AGK: variants seen among roughly 807,000 people sequenced by gnomAD.
The protein encoded by AGK is acylglycerol kinase.
A neutral mutation model predicts 66.4 loss-of-function variants in AGK; 52 were observed. The ratio of observed to expected loss-of-function variants is 0.78; its 90% CI spans 0.63 to 0.99. The LOEUF is 0.99. Ranked by LOEUF, AGK falls within the 50% of genes least tolerant of loss-of-function variation. The probability of loss-of-function intolerance (pLI) is 0.00; values close to 1 mark genes in which losing one functional copy is unlikely to be tolerated. For missense variants in AGK, 451 were observed against 506.6 expected (o/e 0.89, Z 1.05); for synonymous variants, 182 against 181.1 (o/e 1.00, Z -0.04).
At chr7:141,597,643 G>A (rs1261293452) in intron 4 of AGK, among the ~76,000 whole-genome samples, 2 of 151,884 alleles carry the variant, frequency 1.3e-5, no homozygotes, top group Non-Finnish European at 2.9e-5. Context: ...GCCTGAGGTG[G>A]GCAGATCACT....
intron 2 of AGK, among the ~76,000 whole-genome samples, chr7:141,591,328 A>G (rs1286560728): frequency 6.6e-6 from 1 of 151,954 alleles, no homozygotes; most frequent in Non-Finnish European, 1.5e-5. Context: ...CCTGACCTCA[A>G]GTGATCTGCC....
chr7:141,578,131 G>A (rs1373900368), intron 2 of AGK, among the ~76,000 whole-genome samples: 1 of 152,124 alleles, frequency 6.6e-6, no homozygotes. Flanking sequence ...GAGCAATAAA[G>A]CTTTTTAATC....
chr7:141,629,448 T>G (rs1797008710), intron 9 of AGK, among the ~76,000 whole-genome samples: 1 of 152,150 alleles, frequency 6.6e-6, no homozygotes, highest in Non-Finnish European at 1.5e-5. Flanking sequence ...CCTACCCAGA[T>G]GAGTGGGTTA....
rs185474470 is a variant in AGK, at chr7:141,645,492, G to A, written c.975+3584G>A. ...GGCCAATGCAAATAGTGCAAGGTTTGTTTTCTCTCTTCAAATACTTATCCT... is the reference window on the plus strand; with the variant it reads ...GGCCAATGCAAATAGTGCAAGGTTTATTTTCTCTCTTCAAATACTTATCCT... On this transcript the variant is annotated intron_variant, in intron 13 of 15. Coordinates refer to ENST00000649286, the MANE Select transcript of AGK (RefSeq NM_018238.4). Among the ~76,000 whole-genome samples the A allele has an allele frequency of 2.6e-5, 4 of 152,190 alleles. No individual in the cohort carries two copies. The East Asian group carries it at 7.7e-4, about 29-fold the overall frequency.
At chr7:141,623,598 C>G (rs1464598243) in intron 9 of AGK, among the ~76,000 whole-genome samples, 1 of 152,124 alleles carries the variant, frequency 6.6e-6, no homozygotes, top group Non-Finnish European at 1.5e-5. Flanking sequence ...TTGAACCTAA[C>G]AGAGGTTGGT....
intron 5 of AGK, among the ~76,000 whole-genome samples, chr7:141,601,758 G>A (rs751054236): frequency 6.6e-6 from 1 of 152,160 alleles, no homozygotes; most frequent in Admixed American, 6.6e-5. Context: ...ACAAGGAATT[G>A]TACTATTTCG....
intron 2 of AGK, among the ~76,000 whole-genome samples, chr7:141,564,060 A>C (rs752605994): frequency 1.3e-5 from 2 of 152,100 alleles, no homozygotes; most frequent in African/African-American, 2.4e-5. Context: ...TCCTGGGCTC[A>C]AGTGATCTTC....
chr7:141,587,483 C>A (rs1054001399), intron 2 of AGK, among the ~76,000 whole-genome samples: 1 of 152,142 alleles, frequency 6.6e-6, no homozygotes, highest in Non-Finnish European at 1.5e-5. Context: ...TGAAAATGTC[C>A]TTGGTGACCT....
chr7:141,625,808 G>A (rs994059863), intron 9 of AGK, among the ~76,000 whole-genome samples: 1 of 151,880 alleles, frequency 6.6e-6, no homozygotes, highest in African/African-American at 2.4e-5. Context: ...TGGTCATCTT[G>A]CAATCTTAGC....
At chr7:141,651,197 A>G (rs2117032843) in intron 14 of AGK, among the ~76,000 whole-genome samples, 1 of 152,350 alleles carries the variant, frequency 6.6e-6, no homozygotes, top group South Asian at 2.1e-4. Flanking sequence ...AAAGAATTTC[A>G]TTCTAATTTT....
At chr7:141,560,292 A>G (rs1795312179) in intron 2 of AGK, among the ~76,000 whole-genome samples, 1 of 149,256 alleles carries the variant, frequency 6.7e-6, no homozygotes, top group Non-Finnish European at 1.5e-5. Flanking sequence ...TTGCCTATAT[A>G]TCCCCAACCT....
chr7:141,594,409 G>T (rs936863672), intron 3 of AGK, among the ~76,000 whole-genome samples: 1 of 152,064 alleles, frequency 6.6e-6, no homozygotes, highest in African/African-American at 2.4e-5. Flanking sequence ...TGGCCAGGAT[G>T]GTCTCCATCT....
intron 9 of AGK, among the ~76,000 whole-genome samples, chr7:141,631,527 C>T (rs114047343): frequency 1.3e-3 from 194 of 152,280 alleles, no homozygotes; most frequent in Middle Eastern, 6.8e-3. Flanking sequence ...ATCTTTGACT[C>T]CCCCATTCAG....
At chr7:141,583,477 G>C (rs867753327) in intron 2 of AGK, among the ~76,000 whole-genome samples, 4 of 128,268 alleles carry the variant, frequency 3.1e-5, no homozygotes, top group Admixed American at 7.6e-5. Flanking sequence ...GTAGAGACAC[G>C]AAGAGAAGGG....
chr7:141,565,111 A>G (rs1795441475), intron 2 of AGK, among the ~76,000 whole-genome samples: 1 of 152,004 alleles, frequency 6.6e-6, no homozygotes, highest in Admixed American at 6.5e-5. Context: ...TTCTCACATT[A>G]TATTCTCTTC....
chr7:141,592,552 A>G (rs915608513), intron 2 of AGK, among the ~76,000 whole-genome samples: 2 of 152,100 alleles, frequency 1.3e-5, no homozygotes, highest in Admixed American at 6.5e-5. Flanking sequence ...AAAGTAACAT[A>G]TCCTCAAGTT....
rs375210929 is a variant in AGK at position 141,615,525 on chromosome 7, T to A, written c.478T>A (p.Leu160Met). Residue 160 changes from leucine (L) to methionine (M), a missense_variant, in exon 8 of 16, where the codon TTG becomes ATG. Transcript: ENST00000649286. ...GFIPLGETSSLSHTLFAESGN... is the reference protein window; with the variant it reads ...GFIPLGETSSMSHTLFAESGN... ...TATCCCACTGGGAGAGACCAGTAGT[T>A]TGAGTCATACCCTCTTTGCCGAAAG... The A allele has an allele frequency of 4.3e-6, 7 of 1,613,894 alleles. No individual in the cohort carries two copies. In the African/African-American group the frequency reaches 9.3e-5, roughly 22 times the overall value.
intron 2 of AGK, among the ~76,000 whole-genome samples, chr7:141,576,274 A>G (rs1384369368): frequency 6.6e-6 from 1 of 152,122 alleles, no homozygotes; most frequent in Non-Finnish European, 1.5e-5. Flanking sequence ...TGGATGGAGC[A>G]ATGGTGAGAG....
intron 2 of AGK, among the ~76,000 whole-genome samples, chr7:141,571,785 T>C (rs1287637001): frequency 6.6e-6 from 1 of 152,222 alleles, no homozygotes. Context: ...CAAGTCTCTA[T>C]CTGTAAACTG....
Sources: allele counts gnomAD v4.1 joint callset (sites outside exome capture counted in the v4.1 genomes callset), GRCh38; gene constraint gnomAD v4.1.1; transcripts MANE v1.5; gene names NCBI Gene and HGNC (gene_info 2026-07-23, HGNC 2026-07-21).